ZEB1: variants seen among roughly 807,000 people sequenced by gnomAD.
ZEB1 encodes the protein zinc finger E-box binding homeobox 1.
A neutral mutation model predicts 84.9 loss-of-function variants in ZEB1; 21 were observed. The observed-to-expected ratio is 0.25, with a 90% CI of 0.18 to 0.36. ZEB1 has a LOEUF of 0.36. ZEB1 is among the 10% of genes least tolerant of loss of function. The pLI, the probability that ZEB1 is intolerant of heterozygous loss-of-function variation, is 1.00. For synonymous variants in ZEB1, 420 were observed against 471.1 expected, an observed-to-expected ratio of 0.89 and a Z score of 1.41; for missense variants, 1,104 against 1,330.2, an observed-to-expected ratio of 0.83 and a Z score of 2.65.
intron 1 of ZEB1, among the ~76,000 whole-genome samples, chr10:31,423,154 T>C (rs1036619453): frequency 6.6e-6 from 1 of 152,080 alleles, no homozygotes; most frequent in Admixed American, 6.6e-5. Context: ...AAATTAGAAG[T>C]GCTTCATATG....
chr10:31,419,054 G>A (rs1053040584), intron 1 of ZEB1, among the ~76,000 whole-genome samples: 3 of 152,144 alleles, frequency 2.0e-5, no homozygotes, highest in Non-Finnish European at 4.4e-5. Context: ...GAGCAAAATA[G>A]ACACAATCCC....
chr10:31,340,204 T>G (rs1055252984), intron 1 of ZEB1, among the ~76,000 whole-genome samples: 1 of 152,186 alleles, frequency 6.6e-6, no homozygotes, highest in Non-Finnish European at 1.5e-5. Flanking sequence ...CTAGGATGAT[T>G]GCATTGTTTG....
At chr10:31,519,062 A>G (rs1565195149) in intron 6 of ZEB1, among the ~76,000 whole-genome samples, 1 of 152,188 alleles carries the variant, frequency 6.6e-6, no homozygotes, top group Non-Finnish European at 1.5e-5. Flanking sequence ...GTGTCATCAC[A>G]TCTCATCATT....
chr10:31,342,492 A>G (rs1451146712), intron 1 of ZEB1, among the ~76,000 whole-genome samples: 2 of 152,126 alleles, frequency 1.3e-5, no homozygotes, highest in East Asian at 1.9e-4. Flanking sequence ...GTGTTATGAC[A>G]AAGGGTCAAG....
chr10:31,462,092 G>A (rs2061884485), intron 2 of ZEB1, among the ~76,000 whole-genome samples: 2 of 152,080 alleles, frequency 1.3e-5, no homozygotes, highest in African/African-American at 4.8e-5. Flanking sequence ...AGTTCAAAGA[G>A]GTCGTCTAGA....
chr10:31,402,954 T>C (rs1406133727), intron 1 of ZEB1, among the ~76,000 whole-genome samples: 1 of 152,148 alleles, frequency 6.6e-6, no homozygotes, highest in East Asian at 1.9e-4. Flanking sequence ...TGGGGCTCTA[T>C]TTGTTATTAG....
At chr10:31,384,151 C>G (rs1323400955) in intron 1 of ZEB1, among the ~76,000 whole-genome samples, 2 of 151,564 alleles carry the variant, frequency 1.3e-5, no homozygotes, top group African/African-American at 2.4e-5. Flanking sequence ...AATTTTTGTA[C>G]TTTTAGTAGA....
At chr10:31,481,173 A>G (rs1214277088) in intron 2 of ZEB1, among the ~76,000 whole-genome samples, 1 of 152,146 alleles carries the variant, frequency 6.6e-6, no homozygotes, top group Non-Finnish European at 1.5e-5. Context: ...TCACCGTAAG[A>G]TAAAAGGCTA....
At chr10:31,409,132 AAC>A (rs1554844925) in intron 1 of ZEB1, among the ~76,000 whole-genome samples, 1 of 152,236 alleles carries the variant, frequency 6.6e-6, no homozygotes, top group Non-Finnish European at 1.5e-5. Flanking sequence ...GCAGCCAACA[AAC>A]ACATGAAAAA....
intron 1 of ZEB1, chr10:31,320,402 A>C (rs550373794): frequency 6.7e-6 from 1 of 149,036 alleles, no homozygotes; most frequent in Non-Finnish European, 1.5e-5. Flanking sequence ...GTTTTTGGGG[A>C]AGTTGTTACC....
At position 31,366,853 on chromosome 10, in the gene ZEB1, A is replaced by G. The variant is rs575034508; in HGVS notation, c.58+47561A>G. On this transcript the variant is annotated intron_variant, in intron 1 of 8. Transcript: ENST00000424869. ...GGAGCAAGACTCCAGTGATCCTTGG[A>G]AGAAAGTGGGAGGTTATTTTCCCAG... Among the ~76,000 whole-genome samples the G allele has an allele frequency of 8.5e-5, 13 of 152,238 alleles. No individual in the cohort carries two copies. The South Asian group carries it at 2.7e-3, about 32-fold the overall frequency.
chr10:31,380,278 C>A (rs1363903144), intron 1 of ZEB1, among the ~76,000 whole-genome samples: 1 of 151,986 alleles, frequency 6.6e-6, no homozygotes, highest in African/African-American at 2.4e-5. Flanking sequence ...TGCCTTCTAA[C>A]TTGTTCCTGT....
intron 1 of ZEB1, among the ~76,000 whole-genome samples, chr10:31,395,370 A>G (rs2050526234): frequency 6.6e-6 from 1 of 152,152 alleles, no homozygotes; most frequent in Admixed American, 6.6e-5. Flanking sequence ...ACTTTATGCA[A>G]GAAGAGTAGC....
chr10:31,445,949 T>C (rs1317166367), intron 1 of ZEB1, among the ~76,000 whole-genome samples: 2 of 128,210 alleles, frequency 1.6e-5, no homozygotes, highest in African/African-American at 6.1e-5. Context: ...TTAGGGAGGA[T>C]TCCCTCTTTT....
intron 1 of ZEB1, among the ~76,000 whole-genome samples, chr10:31,366,837 C>T (rs2044598445): frequency 6.6e-6 from 1 of 152,094 alleles, no homozygotes; most frequent in Non-Finnish European, 1.5e-5. Context: ...TGGAGCAAGA[C>T]TCCAGTGATC....
chr10:31,439,543 A>G (rs1217567381), intron 1 of ZEB1, among the ~76,000 whole-genome samples: 1 of 152,184 alleles, frequency 6.6e-6, no homozygotes. Flanking sequence ...AACAGTGGTG[A>G]TCGAAACAGA....
At chr10:31,352,710 G>T (rs1328856614) in intron 1 of ZEB1, among the ~76,000 whole-genome samples, 7 of 152,170 alleles carry the variant, frequency 4.6e-5, no homozygotes, top group Admixed American at 4.6e-4. Context: ...AGTTGGGCTT[G>T]CTTACAACAT....
intron 1 of ZEB1, among the ~76,000 whole-genome samples, chr10:31,431,859 T>C (rs1308934747): frequency 2.6e-5 from 4 of 152,220 alleles, no homozygotes; most frequent in Non-Finnish European, 4.4e-5. Context: ...TGTCTTTAAA[T>C]CTTTATGAAA....
At position 31,345,368 on chromosome 10, in the gene ZEB1, C is replaced by T. The variant is rs570011951; in HGVS notation, c.58+26076C>T. Among the ~76,000 whole-genome samples the T allele has an allele frequency of 2.0e-5, 3 of 152,056 alleles. No individual in the cohort carries two copies. In the South Asian group the frequency reaches 6.2e-4, roughly 32 times the overall value. ...TGTTAAAGTAGAAACATTAATTTTA[C>T]GTTTTAGAATTTTCTTAATGACAGG... On this transcript the variant is annotated intron_variant, in intron 1 of 8. Transcript: ENST00000424869.
Sources: allele counts gnomAD v4.1 joint callset (sites outside exome capture counted in the v4.1 genomes callset), GRCh38; gene constraint gnomAD v4.1.1; transcripts MANE v1.5; gene names NCBI Gene and HGNC (gene_info 2026-07-23, HGNC 2026-07-21).